Variants in ABCC10 observed in about 807,000 individuals in gnomAD.
ABCC10 encodes the protein ATP-binding cassette sub-family C member 10.
A neutral mutation model predicts 143.2 loss-of-function variants in ABCC10; 110 were observed. That is an observed-to-expected ratio of 0.77 (90% CI 0.66 to 0.90). The LOEUF (loss-of-function observed/expected upper bound fraction) is 0.90. ABCC10 is among the 40% of genes least tolerant of loss of function. The pLI, the probability that ABCC10 is intolerant of heterozygous loss-of-function variation, is 0.00. For synonymous variants in ABCC10, 805 were observed against 846.7 expected (o/e 0.95, Z 0.85); for missense variants, 1,700 against 1,900.5 (o/e 0.89, Z 1.96).
intron 8 of ABCC10, among the ~76,000 whole-genome samples, chr6:43,439,142 G>A (rs1476204346): frequency 6.6e-6 from 1 of 152,058 alleles, no homozygotes; most frequent in African/African-American, 2.4e-5. Flanking sequence ...AGTTTCATTT[G>A]GTTGCAGGTT....
chr6:43,438,412 C>CTAT, intron 7 of ABCC10: 3 of 1,426,746 alleles, frequency 2.1e-6, no homozygotes, highest in Non-Finnish European at 2.7e-6. Flanking sequence ...AGCTGCTTGG[C>CTAT]TGTAGCCAAA....
At chr6:43,446,975 G>T (rs1300865346) in intron 16 of ABCC10, 1 of 807,322 alleles carries the variant, frequency 1.2e-6, no homozygotes, top group Non-Finnish European at 1.6e-6. Context: ...AGCCTCCCAA[G>T]TAGCTGGGAT....
chr6:43,446,353 C>T lies in ABCC10; in HGVS notation c.3451C>T (p.Leu1151=), dbSNP rs754575893. Residue 1151 remains leucine, a synonymous_variant, in exon 16 of 22, where the codon CTG becomes TTG. Coordinates refer to ENST00000372530, the MANE Select transcript of ABCC10 (RefSeq NM_001198934.2). ...TGCCACCAGTGCCACAATGCAGTGG[C>T]TGGACATTCGGCTACAGCTCATGGG... The part of the protein sequence containing the change: ...QFATSATMQW[L]DIRLQLMGAA... 6.2e-7 allele frequency: 1 copy of T among 1,613,870 alleles called. No individual in the cohort carries two copies. The highest frequency in any genetic ancestry group is 2.2e-5 in the East Asian group (1 of 44,880).
chr6:43,433,162 T>C lies in ABCC10; in HGVS notation c.1182T>C (p.Phe394=), dbSNP rs1228763384. ...CTGACTCTGAACGGCTGCTTAACTT[T>C]GCTGGGAGCTTCCATGAAGCCTGGG... is the stretch of plus-strand genomic sequence containing the variant. ...LGTDSERLLN[F]AGSFHEAWGL... The change falls in exon 3 of 22, where the codon TTT becomes TTC. Residue 394 remains phenylalanine (F), a synonymous_variant. Coordinates refer to ENST00000372530, the MANE Select transcript of ABCC10 (RefSeq NM_001198934.2). 3 of 1,614,072 alleles carry C rather than the reference T, an allele frequency of 1.9e-6. No individual in the cohort carries two copies. Among genetic ancestry groups the C allele is most frequent in the Non-Finnish European group, 1.7e-6 (2 of 1,179,950 alleles).
At chr6:43,442,250 G>T (rs1782550024) in intron 9 of ABCC10, among the ~76,000 whole-genome samples, 1 of 152,116 alleles carries the variant, frequency 6.6e-6, no homozygotes. Flanking sequence ...TTTAAGATCA[G>T]CCTGGGCAAT....
chr6:43,443,706 G>A lies in ABCC10; in HGVS notation c.2417-227G>A. The A allele has an allele frequency of 1.9e-6, 1 of 526,054 alleles. No homozygotes were observed. Among genetic ancestry groups the A allele is most frequent in the Admixed American group, 3.1e-5 (1 of 32,242 alleles). 32.6% of individuals were successfully genotyped at this position (526,054 alleles called of 1,614,324 possible). On this transcript the variant is annotated intron_variant, in intron 10 of 21. Coordinates refer to ENST00000372530, the MANE Select transcript of ABCC10 (RefSeq NM_001198934.2). The surrounding 1 kb of genome is among the most constrained non-coding windows in gnomAD (Gnocchi z 4.2). ...GTCCCTCTCTGCTGGTCGGAATCAA[G>A]GTTTACAAGGATGGACTTGAGTCCT...
chr6:43,438,828 C>G, intron 8 of ABCC10, 33 bp downstream of exon 8: 3 of 1,609,808 alleles, frequency 1.9e-6, no homozygotes, highest in Non-Finnish European at 2.5e-6. Context: ...TCTTAGCTGC[C>G]TGTTTCTCCA....
Position 43,442,954 on chromosome 6 carries a change from C to A in ABCC10, c.2227-16C>A. ...CTTTGGGTCCTGGTGCCCACGGTAC[C>A]CTCACGTCTCCATAGGAAAAGGAGC... On this transcript the variant is annotated splice_polypyrimidine_tract_variant and intron_variant, in intron 9 of 21. Transcript: ENST00000372530. 1 of 1,561,244 alleles carries A rather than the reference C, an allele frequency of 6.4e-7. No individual in the cohort carries two copies. The highest frequency in any genetic ancestry group is 1.2e-5 in the South Asian group (1 of 81,972).
chr6:43,436,726 ACTCCTGTTCAC>A (rs577973591), intron 6 of ABCC10, among the ~76,000 whole-genome samples: 28 of 152,094 alleles, frequency 1.8e-4, no homozygotes, highest in African/African-American at 6.3e-4. Context: ...CAATAAGCCA[ACTCCTGTTCAC>A]CTCCTGTTCT....
intron 3 of ABCC10, 132 bp downstream of exon 3, chr6:43,433,492 G>C: frequency 7.1e-7 from 1 of 1,406,852 alleles, no homozygotes; most frequent in Non-Finnish European, 9.3e-7. Context: ...GAGAAAGGTA[G>C]ACCTGGGTTC....
At chr6:43,435,727 TC>T in intron 4 of ABCC10, 23 bp from the exon 5 acceptor site, 1 of 1,611,792 alleles carries the variant, frequency 6.2e-7, no homozygotes, top group Non-Finnish European at 8.5e-7. Context: ...TCCTGGGGCT[TC>T]ACCCTGCACC....
rs773329172 is a variant in ABCC10, at chr6:43,450,126, C to T, written c.*35C>T. On this transcript the variant is annotated 3_prime_UTR_variant, in exon 22 of 22. Coordinates refer to ENST00000372530, the MANE Select transcript of ABCC10 (RefSeq NM_001198934.2). The surrounding 1 kb of genome is among the most constrained non-coding windows in gnomAD (Gnocchi z 4.5). ...CACACCCTGCAGAGTTCTCCCCTCT[C>T]TCTGATCCAGGCCGGGCCTATACAG... The T allele has an allele frequency of 6.4e-7, 1 of 1,559,426 alleles. No individual in the cohort carries two copies. Among genetic ancestry groups the T allele is most frequent in the South Asian group, 1.2e-5 (1 of 82,470 alleles).
chr6:43,427,667 A>C lies in ABCC10; in HGVS notation c.-102A>C. 2 of 473,522 alleles carry C rather than the reference A, an allele frequency of 4.2e-6. No homozygotes were observed. The highest frequency in any genetic ancestry group is 4.1e-5 in the East Asian group (1 of 24,500). 29.3% of individuals were successfully genotyped at this position (473,522 alleles called of 1,614,324 possible). A position where few individuals can be genotyped will look rare whatever the true frequency, so the allele number is the denominator to read the frequency against. ...TTTTTTGCATACACCAGTTCTCAGG[A>C]TATCGGAATCCGGTGCACAGCAGCT... is the stretch of plus-strand genomic sequence containing the variant. On this transcript the variant is annotated 5_prime_UTR_variant, in exon 1 of 22. Transcript: ENST00000372530.
Position 43,450,100 on chromosome 6 carries a change from C to T in ABCC10, c.*9C>T, listed in dbSNP as rs1401754540. The T allele has an allele frequency of 1.3e-6, 2 of 1,586,168 alleles. No homozygotes were observed. The highest frequency in any genetic ancestry group is 2.2e-5 in the East Asian group (1 of 44,640). On this transcript the variant is annotated 3_prime_UTR_variant, in exon 22 of 22. Coordinates refer to ENST00000372530, the MANE Select transcript of ABCC10 (RefSeq NM_001198934.2). This position sits in a 1 kb window ranked among gnomAD's most constrained non-coding sequence, Gnocchi z 4.5. ...CACTCGGAGGTCCCTGAGCCCAATCCCACACCCTGCAGAGTTCTCCCCTCT... is the reference window on the plus strand; with the variant it reads ...CACTCGGAGGTCCCTGAGCCCAATCTCACACCCTGCAGAGTTCTCCCCTCT...
intron 7 of ABCC10, chr6:43,438,318 G>C: frequency 7.2e-7 from 1 of 1,397,054 alleles, no homozygotes; most frequent in Non-Finnish European, 9.3e-7. Context: ...ATAGGTTTGA[G>C]GGAGGACCTT....
Position 43,436,122 on chromosome 6 carries a change from T to C in ABCC10, c.1766-16T>C, listed in dbSNP as rs151020570. The stretch of plus-strand genomic sequence containing the variant: ...TGGTAGATTAGGAGCCCAAATCAAG[T>C]GGCTTCTCTGTTCAGATCCCCCTGC... On this transcript the variant is annotated splice_polypyrimidine_tract_variant and intron_variant, in intron 5 of 21. Coordinates refer to ENST00000372530, the MANE Select transcript of ABCC10 (RefSeq NM_001198934.2). The C allele has an allele frequency of 6.2e-7, 1 of 1,614,150 alleles. No individual in the cohort carries two copies. Among genetic ancestry groups the C allele is most frequent in the Non-Finnish European group, 8.5e-7 (1 of 1,179,964 alleles).
chr6:43,443,467 T>C lies in ABCC10; in HGVS notation c.2416+308T>C, dbSNP rs1581765106. The C allele has an allele frequency of 3.0e-6, 1 of 336,130 alleles. No individual in the cohort carries two copies. Among genetic ancestry groups the C allele is most frequent in the African/African-American group, 2.1e-5 (1 of 47,474 alleles). 20.8% of individuals were successfully genotyped at this position (336,130 alleles called of 1,614,324 possible). A position where few individuals can be genotyped will look rare whatever the true frequency, so the allele number is the denominator to read the frequency against. ...AAGGAGTCAGGTTTAGAATGGTCTT[T>C]TTGTAAAAACAAAAATTTTTAAACT... On this transcript the variant is annotated intron_variant, in intron 10 of 21. Transcript: ENST00000372530. This position sits in a 1 kb window ranked among gnomAD's most constrained non-coding sequence, Gnocchi z 4.2.
In ABCC10 at chr6:43,445,095, G is replaced by C. The variant is rs895615249; in HGVS notation, c.2841-30G>C. ...GGACCCCCGAGTGGCCCTAGTTTTG[G>C]TTACCGACAGCCCCCTCCTCACCAC... On this transcript the variant is annotated intron_variant, in intron 13 of 21. Transcript: ENST00000372530. 3.7e-6 allele frequency: 6 copies of C among 1,610,552 alleles called. No individual in the cohort carries two copies. The African/African-American group carries it at 8.0e-5, about 22-fold the overall frequency.
At chr6:43,427,891 CAG>C in intron 1 of ABCC10, 75 bp from the exon 2 acceptor site, 1 of 1,539,094 alleles carries the variant, frequency 6.5e-7, no homozygotes, top group South Asian at 1.1e-5. Flanking sequence ...GGGCTGGAGA[CAG>C]GGAGACCCGG....
Sources: allele counts gnomAD v4.1 joint callset (sites outside exome capture counted in the v4.1 genomes callset), GRCh38; gene constraint gnomAD v4.1.1; non-coding constraint Gnocchi (gnomAD v3.1); transcripts MANE v1.5; gene names NCBI Gene and HGNC (gene_info 2026-07-23, HGNC 2026-07-21).